FAM227B: variants seen among roughly 807,000 people sequenced by gnomAD.
FAM227B encodes protein FAM227B.
FAM227B carries 88 observed loss-of-function variants against 73.8 expected under a neutral mutation model. That is an observed-to-expected ratio of 1.19 (90% CI 1.00 to 1.42). The LOEUF (loss-of-function observed/expected upper bound fraction) is 1.42. FAM227B is among the 40% of genes most tolerant of loss of function. The pLI, the probability that FAM227B is intolerant of heterozygous loss-of-function variation, is 0.00. For synonymous variants in FAM227B, 210 were observed against 190.5 expected (o/e 1.10, Z -0.84); for missense variants, 632 against 590.9 (o/e 1.07, Z -0.72).
At chr15:49,572,537 T>C (rs1390536252) in intron 8 of FAM227B, among the ~76,000 whole-genome samples, 1 of 152,098 alleles carries the variant, frequency 6.6e-6, no homozygotes, top group East Asian at 1.9e-4. Context: ...ACTCAATATA[T>C]TAACAATGGG....
At chr15:49,387,631 C>T (rs1275093549) in intron 11 of FAM227B, among the ~76,000 whole-genome samples, 1 of 151,584 alleles carries the variant, frequency 6.6e-6, no homozygotes, top group African/African-American at 2.4e-5. Context: ...GCTATCCAGA[C>T]CAATCAGGCA....
In FAM227B at chr15:49,393,268, G is replaced by C. The variant is rs556874009; in HGVS notation, c.1013-21869C>G. On this transcript the variant is annotated intron_variant, in intron 11 of 15. Transcript: ENST00000299338. Reference sequence around the variant, plus strand: ...GAGAGTTCAATGTGTTTTCCTCTTAGTGTAAATGGAGGGTGCTGTGGTTCA... The same window carrying C: ...GAGAGTTCAATGTGTTTTCCTCTTACTGTAAATGGAGGGTGCTGTGGTTCA... Among the ~76,000 whole-genome samples, 16 of 152,206 alleles carry C rather than the reference G, an allele frequency of 1.1e-4. No homozygotes were observed. In the East Asian group the frequency reaches 3.1e-3, roughly 29 times the overall value.
At chr15:49,583,087 C>T (rs931678472) in intron 5 of FAM227B, among the ~76,000 whole-genome samples, 9 of 151,788 alleles carry the variant, frequency 5.9e-5, no homozygotes, top group African/African-American at 2.2e-4. Context: ...CAAAAGAAAA[C>T]CAAACCCAAA....
chr15:49,598,762 A>G (rs911223210), intron 3 of FAM227B, among the ~76,000 whole-genome samples: 4 of 151,998 alleles, frequency 2.6e-5, no homozygotes, highest in Non-Finnish European at 5.9e-5. Context: ...ATGGATTTGT[A>G]TATGTTGAAA....
intron 3 of FAM227B, among the ~76,000 whole-genome samples, chr15:49,604,560 G>A (rs2077394097): frequency 6.6e-6 from 1 of 151,754 alleles, no homozygotes; most frequent in Non-Finnish European, 1.5e-5. Flanking sequence ...GGAGTTTTTT[G>A]GGCTTCATGG....
intron 10 of FAM227B, among the ~76,000 whole-genome samples, chr15:49,538,627 C>G (rs1005552328): frequency 3.3e-5 from 5 of 152,194 alleles, no homozygotes; most frequent in South Asian, 4.2e-4. Flanking sequence ...TTCCTATAAA[C>G]CCTGTAGACT....
intron 13 of FAM227B, among the ~76,000 whole-genome samples, chr15:49,352,102 A>G (rs2042339504): frequency 6.6e-6 from 1 of 152,312 alleles, no homozygotes; most frequent in South Asian, 2.1e-4. Flanking sequence ...GCTGTGGCTC[A>G]TCCTCAGCTG....
rs2050760963 is a variant in FAM227B, at chr15:49,433,094, A to G, written c.1013-61695T>C. ...TTTACTGGCTAAAAATTATTTAGAA[A>G]TTTAACATAATCTGATGAAAGGACT... On this transcript the variant is annotated intron_variant, in intron 11 of 15. Transcript: ENST00000299338. 4.0e-5 allele frequency among the ~76,000 whole-genome samples: 6 copies of G among 151,054 alleles called. No individual in the cohort carries two copies. The South Asian group carries it at 1.2e-3, about 31-fold the overall frequency.
At chr15:49,410,692 C>G (rs1449520854) in intron 11 of FAM227B, among the ~76,000 whole-genome samples, 1 of 151,876 alleles carries the variant, frequency 6.6e-6, no homozygotes, top group East Asian at 1.9e-4. Context: ...AAAAGGCTGC[C>G]AAGTTAGACT....
intron 11 of FAM227B, chr15:49,424,162 T>C (rs999321698): frequency 2.3e-5 from 17 of 733,242 alleles, no homozygotes; most frequent in Non-Finnish European, 3.6e-5. Context: ...GGCTAACAAT[T>C]TGGAAAGAGC....
intron 11 of FAM227B, among the ~76,000 whole-genome samples, chr15:49,421,670 T>G (rs962721415): frequency 2.6e-5 from 4 of 152,232 alleles, no homozygotes; most frequent in African/African-American, 9.6e-5. Flanking sequence ...TAGTAGCTCT[T>G]GAATATCTTT....
chr15:49,603,870 T>C (rs149143452), intron 3 of FAM227B, among the ~76,000 whole-genome samples: 1 of 152,192 alleles, frequency 6.6e-6, no homozygotes, highest in Non-Finnish European at 1.5e-5. Context: ...TGAAGGAATG[T>C]TGGATTTTAT....
At chr15:49,607,205 C>T (rs1452576461) in intron 3 of FAM227B, among the ~76,000 whole-genome samples, 1 of 151,818 alleles carries the variant, frequency 6.6e-6, no homozygotes, top group Non-Finnish European at 1.5e-5. Context: ...AAAATAATAC[C>T]CAGTGCTTAA....
chr15:49,569,599 A>G (rs978836235), intron 8 of FAM227B, among the ~76,000 whole-genome samples: 2 of 152,016 alleles, frequency 1.3e-5, no homozygotes, highest in Admixed American at 1.3e-4. Context: ...GCTACTTAAT[A>G]TATCCATTAT....
intron 10 of FAM227B, among the ~76,000 whole-genome samples, chr15:49,530,776 A>G (rs1394792524): frequency 6.6e-6 from 1 of 151,794 alleles, no homozygotes; most frequent in African/African-American, 2.4e-5. Flanking sequence ...TATTTCCCTT[A>G]TTTGTAAACT....
At chr15:49,551,618 A>G (rs1417979511) in intron 9 of FAM227B, among the ~76,000 whole-genome samples, 1 of 152,038 alleles carries the variant, frequency 6.6e-6, no homozygotes, top group Admixed American at 6.5e-5. Context: ...GTAAGGGTTT[A>G]CTTCTGTGAT....
intron 8 of FAM227B, 32 bp downstream of exon 8, chr15:49,574,979 C>T: frequency 7.4e-7 from 1 of 1,349,688 alleles, no homozygotes; most frequent in East Asian, 2.4e-5. Context: ...CAAAAATCAA[C>T]TTAAAAAATA....
chr15:49,541,811 CA>C lies in FAM227B; in HGVS notation c.748-6del. ...TGCCAAACAATCAGGATATATCTAC[CA>C]AAATAAAATCAAATTAGATTAATTT... On this transcript the variant is annotated splice_polypyrimidine_tract_variant and splice_region_variant and intron_variant, in intron 9 of 15. Transcript: ENST00000299338. The C allele has an allele frequency of 7.2e-7, 1 of 1,394,508 alleles. No individual in the cohort carries two copies. The highest frequency in any genetic ancestry group is 2.7e-5 in the East Asian group (1 of 37,210). 86.4% of individuals were successfully genotyped at this position (1,394,508 alleles called of 1,614,324 possible).
chr15:49,499,144 C>T (rs372525202), intron 11 of FAM227B, among the ~76,000 whole-genome samples: 7 of 107,056 alleles, frequency 6.5e-5, no homozygotes, highest in African/African-American at 1.5e-4. Flanking sequence ...CCAGCCTGGG[C>T]GACAGAGCGA....
Sources: allele counts gnomAD v4.1 joint callset (sites outside exome capture counted in the v4.1 genomes callset), GRCh38; gene constraint gnomAD v4.1.1; transcripts MANE v1.5; gene names NCBI Gene and HGNC (gene_info 2026-07-23, HGNC 2026-07-21).